USP10: variants seen among roughly 807,000 people sequenced by gnomAD.
USP10 encodes ubiquitin carboxyl-terminal hydrolase 10.
In USP10, 22 loss-of-function variants were observed where a neutral mutation model predicts 84.5. That is an observed-to-expected ratio of 0.26 (90% CI 0.19 to 0.37). USP10 has a LOEUF of 0.37. Among genes scored for constraint, USP10 ranks in the 10% least tolerant of loss-of-function variants. USP10 has a pLI of 1.00. For synonymous variants in USP10, 454 were observed against 387.6 expected (o/e 1.17, Z -2.01); for missense variants, 1,019 against 998.9 (o/e 1.02, Z -0.27).
chr16:84,746,276 T>C (rs1476413977), intron 4 of USP10, among the ~76,000 whole-genome samples: 2 of 152,238 alleles, frequency 1.3e-5, no homozygotes, highest in Non-Finnish European at 2.9e-5. Flanking sequence ...ATTCACAGAT[T>C]GTTTTTAAAA....
At chr16:84,765,028 T>C (rs4782656) in intron 10 of USP10, among the ~76,000 whole-genome samples, 3 of 148,180 alleles carry the variant, frequency 2.0e-5, no homozygotes, top group Non-Finnish European at 4.5e-5. Context: ...TGAGCCAAGA[T>C]TACACCACTG....
chr16:84,729,440 T>C (rs955648436), intron 1 of USP10, among the ~76,000 whole-genome samples: 6 of 152,256 alleles, frequency 3.9e-5, no homozygotes, highest in African/African-American at 7.2e-5. Flanking sequence ...TATGTGGTTA[T>C]TGGGTTGTAT....
intron 1 of USP10, chr16:84,716,261 ACTAT>A (rs1296117776): frequency 1.3e-5 from 2 of 152,148 alleles, no homozygotes; most frequent in Non-Finnish European, 2.9e-5. Context: ...AATCATCTGT[ACTAT>A]CTGATTGCAT....
At chr16:84,701,945 T>TTTTTTTTTTTTTTTTTG (rs1904922371) in intron 1 of USP10, among the ~76,000 whole-genome samples, 1 of 147,678 alleles carries the variant, frequency 6.8e-6, no homozygotes, top group African/African-American at 2.6e-5. Flanking sequence ...TTCTTTTTTT[T>TTTTTTTTTTTTTTTTTG]TTTTTTTTTG....
Position 84,733,800 on chromosome 16 carries a change from A to G in USP10, c.90+297A>G, listed in dbSNP as rs79263353. Among the ~76,000 whole-genome samples, 1,146 of 152,290 alleles carry G rather than the reference A, an allele frequency of 7.5e-3. 10 individuals are homozygous for G. The highest frequency in any genetic ancestry group is 0.026 in the African/African-American group (1,088 of 41,544). ...AACTACTCTGCTGAAATTGGGAAAT[A>G]TTGGTCCTGACTGGTTTTCACCTTT... On this transcript the variant is annotated intron_variant, in intron 2 of 13. Transcript: ENST00000219473.
chr16:84,713,964 G>A (rs958434074), intron 1 of USP10, among the ~76,000 whole-genome samples: 6 of 152,232 alleles, frequency 3.9e-5, no homozygotes, highest in African/African-American at 1.4e-4. Context: ...TGGCTGGGAA[G>A]GTGGATGGGT....
chr16:84,702,041 C>A, intron 1 of USP10, among the ~76,000 whole-genome samples: 2 of 77,880 alleles, frequency 2.6e-5, no homozygotes, highest in African/African-American at 5.0e-5. Context: ...GATGGAGTTT[C>A]GCTCTTTTTT....
chr16:84,769,719 T>C (rs1339238057), intron 11 of USP10, among the ~76,000 whole-genome samples: 3 of 152,098 alleles, frequency 2.0e-5, no homozygotes, highest in African/African-American at 4.8e-5. Context: ...ACCCATGCTG[T>C]TGGGGAGGTG....
rs115175475 is a variant in USP10 at position 84,758,569 on chromosome 16, T to G, written c.1193-147T>G. The stretch of plus-strand genomic sequence containing the variant: ...ATAATGTACTTGATGTTGAACTGAA[T>G]GAAGCCTTAACAGTATGCATTTTCT... On this transcript the variant is annotated intron_variant, in intron 4 of 13. Transcript: ENST00000219473. The G allele has an allele frequency of 1.1e-4, 70 of 616,288 alleles. No individual in the cohort carries two copies. The African/African-American group carries it at 1.2e-3, about 11-fold the overall frequency. 38.2% of individuals were successfully genotyped at this position (616,288 alleles called of 1,614,324 possible).
At chr16:84,727,902 T>A (rs1052569805) in intron 1 of USP10, among the ~76,000 whole-genome samples, 2 of 152,216 alleles carry the variant, frequency 1.3e-5, no homozygotes, top group African/African-American at 4.8e-5. Context: ...ATATTCTAAT[T>A]TTGGGAGTTG....
chr16:84,775,085 T>C, intron 12 of USP10, 75 bp from the exon 13 acceptor site: 2 of 1,296,784 alleles, frequency 1.5e-6, no homozygotes, highest in South Asian at 1.2e-5. Context: ...GGGAGAATGT[T>C]GTTAGCCATT....
At chr16:84,714,050 G>T (rs1278159572) in intron 1 of USP10, among the ~76,000 whole-genome samples, 1 of 152,214 alleles carries the variant, frequency 6.6e-6, no homozygotes, top group African/African-American at 2.4e-5. Context: ...CTGGGCACCA[G>T]AATAGTAAGG....
chr16:84,712,758 T>A (rs1245047946), intron 1 of USP10, among the ~76,000 whole-genome samples: 1 of 152,204 alleles, frequency 6.6e-6, no homozygotes, highest in African/African-American at 2.4e-5. Context: ...TCTTCAGTGC[T>A]CTCTTTACCT....
chr16:84,734,310 T>C (rs1909619185), intron 2 of USP10, among the ~76,000 whole-genome samples: 3 of 152,222 alleles, frequency 2.0e-5, no homozygotes, highest in Admixed American at 2.0e-4. Context: ...ATTTAAAATT[T>C]TGTGAATCTG....
intron 1 of USP10, among the ~76,000 whole-genome samples, chr16:84,716,676 A>G (rs1907056969): frequency 6.6e-6 from 1 of 152,204 alleles, no homozygotes; most frequent in African/African-American, 2.4e-5. Context: ...AAGGCTGATC[A>G]GCAGAATAAT....
intron 1 of USP10, chr16:84,704,818 T>G (rs755277735): frequency 1.3e-6 from 2 of 1,535,736 alleles, no homozygotes; most frequent in Non-Finnish European, 1.7e-6. Flanking sequence ...CTGTCCCGTC[T>G]TGAAACATCA....
intron 4 of USP10, among the ~76,000 whole-genome samples, chr16:84,753,858 G>T (rs1912216642): frequency 6.6e-6 from 1 of 152,204 alleles, no homozygotes; most frequent in Admixed American, 6.5e-5. Flanking sequence ...GTAATGATTG[G>T]CCTTGCCTTC....
At chr16:84,737,256 C>G (rs569860271) in intron 2 of USP10, among the ~76,000 whole-genome samples, 1 of 152,272 alleles carries the variant, frequency 6.6e-6, no homozygotes, top group African/African-American at 2.4e-5. Context: ...TGTTTTCACA[C>G]TGTGCGTTTA....
intron 1 of USP10, among the ~76,000 whole-genome samples, chr16:84,710,246 G>A (rs561011100): frequency 1.5e-3 from 230 of 150,840 alleles, no homozygotes; most frequent in South Asian, 8.7e-3. Context: ...TCTAGCCTGG[G>A]CAACAGAGCA....
Sources: gnomAD v4.1 joint callset for allele counts (sites outside exome capture counted in the v4.1 genomes callset) on GRCh38, gnomAD v4.1.1 for gene constraint, MANE v1.5 for transcripts, NCBI Gene and HGNC (gene_info 2026-07-23, HGNC 2026-07-21) for gene names.